PTK2: variants seen among roughly 807,000 people sequenced by gnomAD.
PTK2 encodes the protein focal adhesion kinase 1.
PTK2 carries 45 observed loss-of-function variants against 150.1 expected under a neutral mutation model. The observed-to-expected ratio is 0.30, with a 90% CI of 0.24 to 0.38. PTK2 has a LOEUF of 0.38. PTK2 is among the 10% of genes least tolerant of loss of function. PTK2 has a pLI of 1.00. For missense variants in PTK2, 919 were observed against 1,307.3 expected (o/e 0.70, Z 4.58); for synonymous variants, 432 against 449.2 (o/e 0.96, Z 0.48).
chr8:140,913,207 GAACT>G (rs1360004113), intron 2 of PTK2, among the ~76,000 whole-genome samples: 1 of 151,668 alleles, frequency 6.6e-6, no homozygotes, highest in Non-Finnish European at 1.5e-5. Flanking sequence ...CAGATCACCA[GAACT>G]AATAAGCGAA....
intron 2 of PTK2, among the ~76,000 whole-genome samples, chr8:140,910,500 G>A (rs1019929110): frequency 1.3e-5 from 2 of 152,110 alleles, no homozygotes; most frequent in Admixed American, 6.6e-5. Context: ...CATAATCACA[G>A]TTTGAAAAGG....
At chr8:140,929,498 T>C (rs1444324858) in intron 1 of PTK2, among the ~76,000 whole-genome samples, 2 of 152,172 alleles carry the variant, frequency 1.3e-5, no homozygotes, top group Non-Finnish European at 2.9e-5. Flanking sequence ...TGTGTGTGTG[T>C]TTTAAAATGT....
intron 1 of PTK2, among the ~76,000 whole-genome samples, chr8:140,992,273 C>A (rs2100195995): frequency 7.4e-6 from 1 of 135,016 alleles, no homozygotes; most frequent in African/African-American, 2.7e-5. Context: ...GCCTGGGCAA[C>A]AGAGTGAGAC....
At chr8:140,897,188 T>C (rs2100156647) in intron 2 of PTK2, among the ~76,000 whole-genome samples, 1 of 152,156 alleles carries the variant, frequency 6.6e-6, no homozygotes, top group East Asian at 1.9e-4. Flanking sequence ...AATCCAAATA[T>C]ACCTATGTGG....
chr8:140,768,872 C>G lies in PTK2; in HGVS notation c.1178-4582G>C, dbSNP rs144691429. On this transcript the variant is annotated intron_variant, in intron 14 of 31. Coordinates refer to ENST00000522684, the Ensembl canonical transcript of PTK2. The stretch of plus-strand genomic sequence containing the variant: ...TATACTCGTTATCAATATCTCTATC[C>G]TATTACAAAAATGAACATAGGTGAA... Among the ~76,000 whole-genome samples the G allele has an allele frequency of 3.9e-3, 597 of 152,250 alleles. 1 individual carries two copies. The highest frequency in any genetic ancestry group is 0.037 in the Middle Eastern group (11 of 294).
At chr8:140,956,418 C>T (rs1306610610) in intron 1 of PTK2, among the ~76,000 whole-genome samples, 1 of 152,250 alleles carries the variant, frequency 6.6e-6, no homozygotes, top group Non-Finnish European at 1.5e-5. Context: ...ACCTACTGTG[C>T]TGCCAGTCGT....
intron 10 of PTK2, among the ~76,000 whole-genome samples, chr8:140,809,107 T>A (rs982592989): frequency 2.0e-5 from 3 of 152,068 alleles, no homozygotes; most frequent in Admixed American, 1.3e-4. Flanking sequence ...AGGTAAGACA[T>A]ATTAAAAGTT....
At chr8:140,786,684 C>T (rs1376839787) in intron 14 of PTK2, among the ~76,000 whole-genome samples, 3 of 151,900 alleles carry the variant, frequency 2.0e-5, no homozygotes, top group Non-Finnish European at 2.9e-5. Context: ...TCTGGTTCCA[C>T]CTAAGTAAGC....
At chr8:140,682,733 T>C (rs1185901407) in intron 27 of PTK2, among the ~76,000 whole-genome samples, 1 of 151,628 alleles carries the variant, frequency 6.6e-6, no homozygotes, top group Admixed American at 6.6e-5. Context: ...AACCATATGA[T>C]TACGTGGAAA....
intron 7 of PTK2, among the ~76,000 whole-genome samples, chr8:140,832,350 C>T (rs955849808): frequency 6.6e-5 from 10 of 152,196 alleles, no homozygotes; most frequent in Non-Finnish European, 1.0e-4. Context: ...CCACTGCGCC[C>T]AGCCTCAGAG....
intron 1 of PTK2, among the ~76,000 whole-genome samples, chr8:140,966,105 A>T (rs931376609): frequency 6.6e-6 from 1 of 152,024 alleles, no homozygotes; most frequent in African/African-American, 2.4e-5. Context: ...TTATTCTGAC[A>T]CTCTTGGAAC....
At chr8:140,676,316 C>T (rs1160680932) in intron 27 of PTK2, among the ~76,000 whole-genome samples, 1 of 151,930 alleles carries the variant, frequency 6.6e-6, no homozygotes, top group East Asian at 1.9e-4. Flanking sequence ...GCAGAGGTTG[C>T]AGTGAGCCAA....
At chr8:140,732,130 G>GA (rs1237024787) in intron 22 of PTK2, among the ~76,000 whole-genome samples, 1 of 151,798 alleles carries the variant, frequency 6.6e-6, no homozygotes, top group African/African-American at 2.4e-5. Context: ...TAAAAATTTT[G>GA]AAAAAAATTA....
chr8:140,789,295 A>T (rs1030138833), intron 14 of PTK2, among the ~76,000 whole-genome samples, 179 bp downstream of exon 14: 1 of 152,068 alleles, frequency 6.6e-6, no homozygotes, highest in Admixed American at 6.5e-5. Flanking sequence ...AAAAAAAAAA[A>T]AAACTATGAG....
At chr8:140,816,698 A>G (rs921569956) in intron 10 of PTK2, among the ~76,000 whole-genome samples, 24 of 152,378 alleles carry the variant, frequency 1.6e-4, no homozygotes, top group African/African-American at 4.8e-4. Context: ...ACATGAAAAT[A>G]TGTTTAAAGT....
intron 2 of PTK2, among the ~76,000 whole-genome samples, chr8:140,910,952 A>T (rs1025041465): frequency 1.3e-5 from 2 of 152,014 alleles, no homozygotes; most frequent in East Asian, 3.9e-4. Context: ...ATCACGGCTC[A>T]CCGCAGCCTC....
chr8:140,860,763 C>A (rs193131471), intron 5 of PTK2, among the ~76,000 whole-genome samples: 1 of 152,176 alleles, frequency 6.6e-6, no homozygotes, highest in East Asian at 1.9e-4. Flanking sequence ...CGTTAGCCAC[C>A]GCACCCAGAC....
Position 140,929,261 on chromosome 8 carries a change from G to A in PTK2, c.-121-3512C>T, listed in dbSNP as rs537215288. On this transcript the variant is annotated intron_variant, in intron 1 of 31. Coordinates refer to ENST00000522684, the Ensembl canonical transcript of PTK2. ...ATTACAGGCGTGAGCCACCGCGCCCGGCCACAATTTTTTAACTTAAAAAAT... is the reference window on the plus strand; with the variant it reads ...ATTACAGGCGTGAGCCACCGCGCCCAGCCACAATTTTTTAACTTAAAAAAT... Among the ~76,000 whole-genome samples, 120 of 152,026 alleles carry A rather than the reference G, an allele frequency of 7.9e-4. 1 individual carries two copies. The highest frequency in any genetic ancestry group is 2.6e-3 in the African/African-American group (109 of 41,452).
chr8:140,822,273 AAG>A (rs2100109101), intron 8 of PTK2: 1 of 152,166 alleles, frequency 6.6e-6, no homozygotes. Context: ...CAGCTGGAAA[AAG>A]AGCATTCTGA....
Sources: allele counts gnomAD v4.1 joint callset (sites outside exome capture counted in the v4.1 genomes callset), GRCh38; gene constraint gnomAD v4.1.1; transcripts MANE v1.5; gene names NCBI Gene and HGNC (gene_info 2026-07-23, HGNC 2026-07-21).